Variants in PRKCA observed in about 807,000 individuals in gnomAD.
The protein encoded by PRKCA is protein kinase C alpha, also known as protein kinase C alpha type.
In PRKCA, 27 loss-of-function variants were observed where a neutral mutation model predicts 87.0. The ratio of observed to expected loss-of-function variants is 0.31; its 90% CI spans 0.23 to 0.43. The LOEUF (loss-of-function observed/expected upper bound fraction) is 0.43. Ranked by LOEUF, PRKCA falls within the 20% of genes least tolerant of loss-of-function variation. The probability of loss-of-function intolerance (pLI) is 1.00; values close to 1 mark genes in which losing one functional copy is unlikely to be tolerated. For missense variants in PRKCA, 518 were observed against 852.3 expected (o/e 0.61, Z 4.88); for synonymous variants, 329 against 311.1 (o/e 1.06, Z -0.61).
chr17:66,433,711 A>C (rs1229370305), intron 2 of PRKCA, among the ~76,000 whole-genome samples: 1 of 151,952 alleles, frequency 6.6e-6, no homozygotes, highest in Non-Finnish European at 1.5e-5. Flanking sequence ...CGCCCTGCCC[A>C]TTTTTTATAT....
chr17:66,386,527 G>A (rs1016353982), intron 2 of PRKCA, among the ~76,000 whole-genome samples: 1 of 152,082 alleles, frequency 6.6e-6, no homozygotes, highest in African/African-American at 2.4e-5. Context: ...ATATATGATG[G>A]GTATGTAGAA....
intron 2 of PRKCA, 46 bp downstream of exon 2, chr17:66,306,173 A>C: frequency 6.5e-7 from 1 of 1,538,632 alleles, no homozygotes; most frequent in Non-Finnish European, 8.9e-7. Flanking sequence ...ACATGAAATA[A>C]GCATTCCAAA....
intron 2 of PRKCA, among the ~76,000 whole-genome samples, chr17:66,447,762 G>A (rs1437382446): frequency 2.0e-5 from 3 of 152,148 alleles, no homozygotes; most frequent in Admixed American, 6.5e-5. Context: ...CCCCACCTCC[G>A]CTCATTCCAG....
intron 3 of PRKCA, among the ~76,000 whole-genome samples, chr17:66,627,293 C>G (rs1197469377): frequency 6.6e-6 from 1 of 151,948 alleles, no homozygotes; most frequent in Non-Finnish European, 1.5e-5. Context: ...CTGATGCTGT[C>G]CTGGGGCGTG....
intron 3 of PRKCA, among the ~76,000 whole-genome samples, chr17:66,510,870 C>T (rs1917195543): frequency 6.6e-6 from 1 of 152,074 alleles, no homozygotes; most frequent in Non-Finnish European, 1.5e-5. Context: ...CCTCAGCTTC[C>T]CTAGTAGCTG....
At chr17:66,428,191 T>C (rs1385941483) in intron 2 of PRKCA, among the ~76,000 whole-genome samples, 1 of 152,222 alleles carries the variant, frequency 6.6e-6, no homozygotes, top group Admixed American at 6.5e-5. Flanking sequence ...TAGGCACTGC[T>C]GTGCCAGAGT....
At chr17:66,325,900 C>G (rs1238943171) in intron 2 of PRKCA, among the ~76,000 whole-genome samples, 1 of 152,046 alleles carries the variant, frequency 6.6e-6, no homozygotes, top group Non-Finnish European at 1.5e-5. Context: ...TAAAACTGGA[C>G]TTTTGTGTAA....
intron 3 of PRKCA, 46 bp downstream of exon 3, chr17:66,496,329 A>G: frequency 1.3e-6 from 2 of 1,532,084 alleles, no homozygotes; most frequent in Non-Finnish European, 1.8e-6. Context: ...TGGATTTCTG[A>G]GCTTTAATTT....
rs73340563 is a variant in PRKCA, at chr17:66,539,834, G to A, written c.288+43551G>A. Among the ~76,000 whole-genome samples, 264 of 152,308 alleles carry A rather than the reference G, an allele frequency of 1.7e-3. 1 individual carries two copies. The highest frequency in any genetic ancestry group is 6.0e-3 in the African/African-American group (250 of 41,576). The stretch of plus-strand genomic sequence containing the variant: ...GAGTTTCCTTGTTCTGGATTAAACA[G>A]CTCACTCAGACACACCAAATGAATG... On this transcript the variant is annotated intron_variant, in intron 3 of 16. Transcript: ENST00000413366.
intron 3 of PRKCA, among the ~76,000 whole-genome samples, chr17:66,561,684 A>C (rs1412792444): frequency 6.6e-6 from 1 of 152,222 alleles, no homozygotes; most frequent in Admixed American, 6.5e-5. Flanking sequence ...ATGAATGGAT[A>C]AACAAAATGT....
chr17:66,547,666 A>G (rs559862124), intron 3 of PRKCA, among the ~76,000 whole-genome samples: 4 of 152,210 alleles, frequency 2.6e-5, no homozygotes, highest in Non-Finnish European at 4.4e-5. Flanking sequence ...TTGAGAATCA[A>G]GAGTCATTTT....
At chr17:66,493,299 G>GTGTGTT (rs755516949) in intron 2 of PRKCA, among the ~76,000 whole-genome samples, 2,366 of 136,636 alleles carry the variant, frequency 0.017, 22 homozygotes, top group Non-Finnish European at 0.025. Context: ...AGGTATATTT[G>GTGTGTT]TGTGTGTGTG....
rs184682564 is a variant in PRKCA at position 66,800,669 on chromosome 17, A to T, written c.1855-3204A>T. ...CATTGGACGATGATTCATGAATGCC[A>T]TAAAGACAGGACTAAAAGGAAAGGG... On this transcript the variant is annotated intron_variant, in intron 16 of 16. Transcript: ENST00000413366. Among the ~76,000 whole-genome samples, 79 of 152,368 alleles carry T rather than the reference A, an allele frequency of 5.2e-4. 1 individual carries two copies. The highest frequency in any genetic ancestry group is 1.8e-3 in the African/African-American group (76 of 41,590).
chr17:66,432,310 C>T (rs879635930), intron 2 of PRKCA, among the ~76,000 whole-genome samples: 1 of 152,046 alleles, frequency 6.6e-6, no homozygotes, highest in African/African-American at 2.4e-5. Context: ...GTCAGAAGCC[C>T]GTGTACTGGT....
intron 16 of PRKCA, 122 bp downstream of exon 16, chr17:66,789,101 C>T (rs1157130963): frequency 1.0e-5 from 13 of 1,246,434 alleles, no homozygotes; most frequent in East Asian, 2.5e-5. Context: ...GGTGAGGAAA[C>T]GGGCCAGGTT....
intron 8 of PRKCA, among the ~76,000 whole-genome samples, chr17:66,706,622 A>G (rs1973199869): frequency 6.7e-6 from 1 of 149,572 alleles, no homozygotes; most frequent in Non-Finnish European, 1.5e-5. Flanking sequence ...TGGGCGACAG[A>G]GTAAGGCTCT....
intron 2 of PRKCA, among the ~76,000 whole-genome samples, chr17:66,445,821 T>G (rs889664601): frequency 6.6e-6 from 1 of 152,062 alleles, no homozygotes; most frequent in Non-Finnish European, 1.5e-5. Context: ...CTTTTTTTTC[T>G]TGAGACAGGG....
chr17:66,801,331 G>A (rs922276988), intron 16 of PRKCA, among the ~76,000 whole-genome samples: 2 of 152,176 alleles, frequency 1.3e-5, no homozygotes, highest in African/African-American at 4.8e-5. Context: ...ACCATCCCTG[G>A]CCTCTGCCCC....
At chr17:66,446,255 ACACT>A (rs1201011018) in intron 2 of PRKCA, among the ~76,000 whole-genome samples, 1 of 151,918 alleles carries the variant, frequency 6.6e-6, no homozygotes, top group Non-Finnish European at 1.5e-5. Flanking sequence ...ACACACACAC[ACACT>A]CACACATTCA....
Sources: allele counts gnomAD v4.1 joint callset (sites outside exome capture counted in the v4.1 genomes callset), GRCh38; gene constraint gnomAD v4.1.1; transcripts MANE v1.5; gene names NCBI Gene and HGNC (gene_info 2026-07-23, HGNC 2026-07-21).